The following LIMCH1 variants were observed in gnomAD, a reference collection of about 807,000 sequenced individuals.
LIMCH1 encodes the protein LIM and calponin homology domains 1, also known as LIM and calponin homology domains-containing protein 1.
A neutral mutation model predicts 176.5 loss-of-function variants in LIMCH1; 113 were observed. The ratio of observed to expected loss-of-function variants is 0.64; its 90% CI spans 0.55 to 0.75. The LOEUF (loss-of-function observed/expected upper bound fraction) is 0.75, where lower values mean the gene tolerates loss of function less well. Ranked by LOEUF, LIMCH1 falls within the 30% of genes least tolerant of loss-of-function variation. The pLI is 0.00. For missense variants in LIMCH1, 1,674 were observed against 1,814.9 expected, an observed-to-expected ratio of 0.92 and a Z score of 1.41; for synonymous variants, 619 against 645.9, an observed-to-expected ratio of 0.96 and a Z score of 0.63.
At chr4:41,576,984 G>A (rs925566659) in intron 1 of LIMCH1, among the ~76,000 whole-genome samples, 15 of 152,092 alleles carry the variant, frequency 9.9e-5, no homozygotes, top group Admixed American at 2.6e-4. Flanking sequence ...GCAACCAAAT[G>A]CAGATAAAAA....
intron 17 of LIMCH1, among the ~76,000 whole-genome samples, chr4:41,650,113 A>G (rs2152941343): frequency 6.6e-6 from 1 of 152,302 alleles, no homozygotes; most frequent in East Asian, 1.9e-4. Context: ...GGTTTTCTGT[A>G]CTTTAAAATA....
chr4:41,624,579 C>T (rs1045421441), intron 7 of LIMCH1, among the ~76,000 whole-genome samples: 5 of 150,974 alleles, frequency 3.3e-5, no homozygotes, highest in Admixed American at 2.0e-4. Flanking sequence ...ACTTGTGCAC[C>T]GACCAAATAG....
intron 9 of LIMCH1, among the ~76,000 whole-genome samples, chr4:41,630,876 T>A (rs1032779262): frequency 3.3e-5 from 5 of 152,208 alleles, no homozygotes; most frequent in African/African-American, 9.6e-5. Context: ...TATACGTGTA[T>A]ACCTAATACA....
At chr4:41,571,135 A>G (rs1174389968) in intron 1 of LIMCH1, among the ~76,000 whole-genome samples, 2 of 152,132 alleles carry the variant, frequency 1.3e-5, no homozygotes, top group Non-Finnish European at 2.9e-5. Flanking sequence ...GAGCTGAGAA[A>G]GAAGAGGAGA....
chr4:41,620,315 C>CT (rs1384938279), intron 6 of LIMCH1, 109 bp from the exon 7 acceptor site: 4 of 1,118,540 alleles, frequency 3.6e-6, no homozygotes, highest in African/African-American at 1.6e-5. Context: ...TGTGCTATGA[C>CT]TTTCTTTTCT....
chr4:41,698,562 TAAGTC>T lies in LIMCH1; in HGVS notation c.*1381_*1385del, dbSNP rs1206827654. The T allele has an allele frequency of 1.3e-5, 2 of 152,626 alleles. No individual in the cohort carries two copies. Among genetic ancestry groups the T allele is most frequent in the African/African-American group, 4.8e-5 (2 of 41,454 alleles). The allele number at this position is 152,626 out of a possible 1,614,324, so 9.5% of individuals were successfully genotyped here. A position where few individuals can be genotyped will look rare whatever the true frequency, so the allele number is the denominator to read the frequency against. ...TATTCTGCCTTAAATCAATGGCAAA[TAAGTC>T]AAGATGACATTTTGTGAATGTAGAC... On this transcript the variant is annotated 3_prime_UTR_variant, in exon 32 of 32. Coordinates refer to ENST00000503057, the MANE Select transcript of LIMCH1 (RefSeq NM_001330672.2).
In LIMCH1 at chr4:41,458,635, G is replaced by A. The variant is rs536482235; in HGVS notation, c.97-35901G>A. Reference sequence around the variant, plus strand: ...CTAAAAATACAAAAATTAGCTGGGCGTGGTGGCATGCACCTGTAATCCCAG... The same window carrying A: ...CTAAAAATACAAAAATTAGCTGGGCATGGTGGCATGCACCTGTAATCCCAG... On this transcript the variant is annotated intron_variant, in intron 1 of 26. Transcript: ENST00000313860. 7.6e-4 allele frequency among the ~76,000 whole-genome samples: 108 copies of A among 141,488 alleles called. 1 individual carries two copies. In the East Asian group the frequency reaches 0.018, roughly 24 times the overall value. 92.8% of individuals were successfully genotyped at this position (141,488 alleles called of 152,430 possible).
intron 18 of LIMCH1, among the ~76,000 whole-genome samples, chr4:41,653,446 TTTTCTG>T (rs2094370395): frequency 6.6e-6 from 1 of 152,198 alleles, no homozygotes; most frequent in Admixed American, 6.5e-5. Flanking sequence ...TTGGACTTCA[TTTTCTG>T]TTTCTAATTC....
At chr4:41,364,291 T>G (rs1028078691) in intron 1 of LIMCH1, among the ~76,000 whole-genome samples, 5 of 152,162 alleles carry the variant, frequency 3.3e-5, no homozygotes, top group Admixed American at 1.3e-4. Flanking sequence ...GTTAGTAGTA[T>G]TATTACCATT....
upstream of LIMCH1, among the ~76,000 whole-genome samples, chr4:41,537,225 T>A (rs1327307538): frequency 6.6e-6 from 1 of 152,256 alleles, no homozygotes; most frequent in Admixed American, 6.5e-5. Context: ...AATAAACTTT[T>A]ATAAATGATG....
chr4:41,421,513 TCA>T (rs2060605359), intron 1 of LIMCH1, among the ~76,000 whole-genome samples: 1 of 152,230 alleles, frequency 6.6e-6, no homozygotes, highest in Non-Finnish European at 1.5e-5. Context: ...AGTAATAGAA[TCA>T]CACACTATTT....
chr4:41,665,714 G>A (rs1486465361), intron 20 of LIMCH1, among the ~76,000 whole-genome samples: 1 of 152,122 alleles, frequency 6.6e-6, no homozygotes, highest in Non-Finnish European at 1.5e-5. Context: ...TCAGACCTAT[G>A]CACAGTGTCA....
chr4:41,645,802 G>A lies in LIMCH1; in HGVS notation c.2254-321G>A, dbSNP rs146318289. 4.8e-3 allele frequency among the ~76,000 whole-genome samples: 733 copies of A among 152,314 alleles called. 5 individuals are homozygous for A. The highest frequency in any genetic ancestry group is 0.02 in the Middle Eastern group (6 of 294). On this transcript the variant is annotated intron_variant, in intron 15 of 31. Coordinates refer to ENST00000503057, the MANE Select transcript of LIMCH1 (RefSeq NM_001330672.2). ...GAGGTTATAAATAGGAAGGAATGAAGTTTCTTACAGTTACCTTGTGAGGCA... is the reference window on the plus strand; with the variant it reads ...GAGGTTATAAATAGGAAGGAATGAAATTTCTTACAGTTACCTTGTGAGGCA...
At chr4:41,647,715 G>A (rs961652389) in intron 17 of LIMCH1, among the ~76,000 whole-genome samples, 19 of 152,212 alleles carry the variant, frequency 1.2e-4, no homozygotes, top group Admixed American at 9.8e-4. Flanking sequence ...AAAAGTTTTC[G>A]TAACTGATTG....
intron 1 of LIMCH1, among the ~76,000 whole-genome samples, chr4:41,546,273 G>T (rs2079379912): frequency 6.6e-6 from 1 of 151,940 alleles, no homozygotes; most frequent in African/African-American, 2.4e-5. Flanking sequence ...CAAGTAGCTG[G>T]GAGTACAGGT....
At chr4:41,404,908 A>G (rs2058809447) in intron 1 of LIMCH1, among the ~76,000 whole-genome samples, 1 of 152,146 alleles carries the variant, frequency 6.6e-6, no homozygotes, top group Admixed American at 6.5e-5. Flanking sequence ...CTAAATATTT[A>G]TTTAAAGATC....
intron 18 of LIMCH1, among the ~76,000 whole-genome samples, chr4:41,656,754 C>T (rs1397206766): frequency 6.6e-6 from 1 of 152,076 alleles, no homozygotes; most frequent in Non-Finnish European, 1.5e-5. Flanking sequence ...AGACGAGAGC[C>T]AGGAAATCGC....
At chr4:41,466,989 A>G (rs905571477) in intron 1 of LIMCH1, among the ~76,000 whole-genome samples, 2 of 151,726 alleles carry the variant, frequency 1.3e-5, no homozygotes, top group Non-Finnish European at 2.9e-5. Context: ...GAATCGGAAT[A>G]CTCTAGGTAC....
rs185353709 is a variant in LIMCH1 at position 41,629,669 on chromosome 4, G to A, written c.1206G>A (p.Thr402=). The change falls in exon 9 of 32, where the codon ACG becomes ACA. Residue 402 remains threonine, a synonymous_variant. Transcript: ENST00000503057. ...ACCGCGAGCCCCCGAGCTTCATTACGCTCTCCAACATAACAGAAGCTGACT... is the reference window on the plus strand; with the variant it reads ...ACCGCGAGCCCCCGAGCTTCATTACACTCTCCAACATAACAGAAGCTGACT... ...APHREPPSFI[T]LSNITEADLE... is the part of the protein sequence containing the mutation. The A allele has an allele frequency of 2.3e-4, 359 of 1,536,024 alleles. 2 individuals are homozygous for A. The African/African-American group carries it at 2.9e-3, about 12-fold the overall frequency.
Sources: gnomAD v4.1 joint callset for allele counts (sites outside exome capture counted in the v4.1 genomes callset) on GRCh38, gnomAD v4.1.1 for gene constraint, MANE v1.5 for transcripts, NCBI Gene and HGNC (gene_info 2026-07-23, HGNC 2026-07-21) for gene names.